Variants in NR3C2 observed in about 807,000 individuals in gnomAD.
The protein encoded by NR3C2 is nuclear receptor subfamily 3 group C member 2, also known as mineralocorticoid receptor.
In NR3C2, 15 loss-of-function variants were observed where a neutral mutation model predicts 86.4. The ratio of observed to expected loss-of-function variants is 0.17; its 90% CI spans 0.12 to 0.27. NR3C2 has a LOEUF of 0.27. Ranked by LOEUF, NR3C2 falls within the 10% of genes least tolerant of loss-of-function variation. The probability of loss-of-function intolerance (pLI) is 1.00; values close to 1 mark genes in which losing one functional copy is unlikely to be tolerated. For synonymous variants in NR3C2, 458 were observed against 450.5 expected, an observed-to-expected ratio of 1.02 and a Z score of -0.21; for missense variants, 960 against 1,195.6, an observed-to-expected ratio of 0.80 and a Z score of 2.91.
At chr4:148,374,271 C>T (rs190320554) in intron 2 of NR3C2, among the ~76,000 whole-genome samples, 3 of 152,302 alleles carry the variant, frequency 2.0e-5, no homozygotes, top group East Asian at 3.9e-4. Flanking sequence ...ATATTCACTA[C>T]ATTAGAATAT....
At position 148,120,248 on chromosome 4, in the gene NR3C2, C is replaced by T; in HGVS notation, c.2551G>A (p.Gly851Arg). 13 of 1,614,080 alleles carry T rather than the reference C, an allele frequency of 8.1e-6. No individual in the cohort carries two copies. The highest frequency in any genetic ancestry group is 1.1e-5 in the Non-Finnish European group (13 of 1,179,988). ...AACTGAAGGCTGATTTGGTGCATCC[C>T]CTGGCATAGTTCATACATGGCAGAC... ...HQSAMYELCQGMHQISLQFVR... is the reference protein window; with the variant it reads ...HQSAMYELCQRMHQISLQFVR... The change falls in exon 7 of 9, where the codon GGG (glycine) becomes AGG (arginine). Residue 851 changes from glycine to arginine, a missense_variant. Gly to Arg is a moderately radical substitution (Grantham distance 125). Transcript: ENST00000358102.
chr4:148,305,860 T>C (rs1034586777), intron 2 of NR3C2, among the ~76,000 whole-genome samples: 7 of 152,208 alleles, frequency 4.6e-5, no homozygotes, highest in African/African-American at 1.4e-4. Flanking sequence ...ATTAATTCAA[T>C]ATGTTTCCTG....
chr4:148,356,622 T>C (rs1384055647), intron 2 of NR3C2, among the ~76,000 whole-genome samples: 1 of 152,190 alleles, frequency 6.6e-6, no homozygotes, highest in Non-Finnish European at 1.5e-5. Context: ...GAAATTATTT[T>C]TCACAATCAA....
chr4:148,291,097 G>T (rs547524972), intron 2 of NR3C2, among the ~76,000 whole-genome samples: 104 of 152,090 alleles, frequency 6.8e-4, no homozygotes, highest in Non-Finnish European at 1.3e-3. Context: ...CAGCCCTTTA[G>T]ACTGACATCT....
upstream of NR3C2, chr4:148,444,974 G>A (rs1033795439): frequency 7.1e-6 from 7 of 984,888 alleles, no homozygotes; most frequent in African/African-American, 7.0e-5. Flanking sequence ...GCGTGTGTGA[G>A]GGGGCGGTCG....
At chr4:148,333,917 A>C (rs1744354710) in intron 2 of NR3C2, among the ~76,000 whole-genome samples, 1 of 152,234 alleles carries the variant, frequency 6.6e-6, no homozygotes, top group African/African-American at 2.4e-5. Context: ...GACTGGACAA[A>C]AACCATGTTA....
chr4:148,100,739 CAG>C (rs1312050252), intron 8 of NR3C2, among the ~76,000 whole-genome samples: 6 of 152,202 alleles, frequency 3.9e-5, no homozygotes, highest in African/African-American at 1.4e-4. Flanking sequence ...GAATTGAAAG[CAG>C]AGTCTCAAAG....
chr4:148,348,514 T>C (rs1378710530), intron 2 of NR3C2, among the ~76,000 whole-genome samples: 1 of 152,154 alleles, frequency 6.6e-6, no homozygotes, highest in Non-Finnish European at 1.5e-5. Flanking sequence ...GCCCAAACTC[T>C]TATTTTTACC....
chr4:148,209,855 T>C (rs1471947292), intron 3 of NR3C2, among the ~76,000 whole-genome samples: 1 of 152,192 alleles, frequency 6.6e-6, no homozygotes, highest in Non-Finnish European at 1.5e-5. Flanking sequence ...TAGAAGTTCC[T>C]AGAATGTTCC....
In NR3C2 at chr4:148,295,307, G is replaced by T. The variant is rs570040171; in HGVS notation, c.1758-35190C>A. On this transcript the variant is annotated intron_variant, in intron 2 of 8. Transcript: ENST00000358102. Reference sequence around the variant, plus strand: ...AAATGAAGAAAACATAATGAATTGAGACCTACCTTTAAGTATGTAAATAAA... The same window carrying T: ...AAATGAAGAAAACATAATGAATTGATACCTACCTTTAAGTATGTAAATAAA... Among the ~76,000 whole-genome samples the T allele has an allele frequency of 3.2e-3, 487 of 151,932 alleles. 1 individual carries two copies. The highest frequency in any genetic ancestry group is 0.011 in the African/African-American group (462 of 41,418).
chr4:148,312,949 T>C (rs1447455992), intron 2 of NR3C2, among the ~76,000 whole-genome samples: 1 of 152,196 alleles, frequency 6.6e-6, no homozygotes, highest in African/African-American at 2.4e-5. Context: ...TTTGAACTAC[T>C]AGAAGCTGTA....
intron 3 of NR3C2, among the ~76,000 whole-genome samples, chr4:148,239,672 C>T (rs973827863): frequency 2.0e-5 from 3 of 152,082 alleles, no homozygotes; most frequent in Non-Finnish European, 4.4e-5. Context: ...CTAATAAGCT[C>T]ATTATATCTG....
At chr4:148,112,521 G>T (rs937919134) in intron 8 of NR3C2, among the ~76,000 whole-genome samples, 1 of 152,226 alleles carries the variant, frequency 6.6e-6, no homozygotes, top group Non-Finnish European at 1.5e-5. Flanking sequence ...CCTTTTGTGT[G>T]AGTCATGAAG....
At chr4:148,342,133 C>T (rs1443599881) in intron 2 of NR3C2, among the ~76,000 whole-genome samples, 4 of 152,080 alleles carry the variant, frequency 2.6e-5, no homozygotes, top group African/African-American at 9.7e-5. Context: ...GTTAATGATA[C>T]AAAAGAAGAT....
intron 2 of NR3C2, among the ~76,000 whole-genome samples, chr4:148,279,851 G>A (rs1308514718): frequency 2.6e-5 from 4 of 151,778 alleles, no homozygotes; most frequent in African/African-American, 4.8e-5. Context: ...TCAGCCTCCC[G>A]AGTAGCTGGG....
Position 148,280,633 on chromosome 4 carries a change from G to C in NR3C2, c.1758-20516C>G, listed in dbSNP as rs1579101211. Among the ~76,000 whole-genome samples the C allele has an allele frequency of 2.0e-5, 3 of 151,958 alleles. No individual in the cohort carries two copies. The East Asian group carries it at 5.8e-4, about 29-fold the overall frequency. On this transcript the variant is annotated intron_variant, in intron 2 of 8. Coordinates refer to ENST00000358102, the MANE Select transcript of NR3C2 (RefSeq NM_000901.5). ...CCCATCTCAGCCTCCCAAGTAGCTG[G>C]GACTACAGATGTGAACCATCACACC... is the stretch of plus-strand genomic sequence containing the variant.
At chr4:148,261,004 G>A (rs956293276) in intron 2 of NR3C2, among the ~76,000 whole-genome samples, 7 of 152,180 alleles carry the variant, frequency 4.6e-5, no homozygotes, top group Non-Finnish European at 8.8e-5. Flanking sequence ...TTTTCAATTT[G>A]CAGTTCACAT....
Position 148,211,646 on chromosome 4 carries a change from A to G in NR3C2, c.1898-16784T>C, listed in dbSNP as rs182880281. Among the ~76,000 whole-genome samples the G allele has an allele frequency of 4.6e-5, 7 of 152,332 alleles. No homozygotes were observed. In the East Asian group the frequency reaches 1.4e-3, roughly 29 times the overall value. On this transcript the variant is annotated intron_variant, in intron 3 of 8. Transcript: ENST00000358102. ...TAAAGAAAGAGGGAGTTTGGTTAAC[A>G]CCTCAGATCAAGTTACGTGAAATAA...
intron 6 of NR3C2, among the ~76,000 whole-genome samples, chr4:148,151,969 G>GTA (rs1347333834): frequency 6.6e-6 from 1 of 152,170 alleles, no homozygotes; most frequent in African/African-American, 2.4e-5. Flanking sequence ...TTTTGCTACA[G>GTA]AATAACAGTT....
Sources: gnomAD v4.1 joint callset for allele counts (sites outside exome capture counted in the v4.1 genomes callset) on GRCh38, gnomAD v4.1.1 for gene constraint, MANE v1.5 for transcripts, NCBI Gene and HGNC (gene_info 2026-07-23, HGNC 2026-07-21) for gene names.